The following ONECUT1 variants were observed in gnomAD, a reference collection of about 807,000 sequenced individuals.
The protein encoded by ONECUT1 is one cut homeobox 1.
Under a neutral mutation model 25.6 loss-of-function variants are expected in ONECUT1, and 12 were observed. That is an observed-to-expected ratio of 0.47 (90% confidence interval 0.30 to 0.76). The LOEUF (loss-of-function observed/expected upper bound fraction) is 0.76. Among genes scored for constraint, ONECUT1 ranks in the 30% least tolerant of loss-of-function variants. ONECUT1 has a pLI of 0.07. For synonymous variants in ONECUT1, 285 were observed against 270.2 expected (o/e 1.05, Z -0.54); for missense variants, 620 against 651.2 (o/e 0.95, Z 0.52).
chr15:52,755,614 G>A lies in ONECUT1; in HGVS notation c.*1941C>T, dbSNP rs1049792640. Among the ~76,000 whole-genome samples the A allele has an allele frequency of 3.3e-5, 5 of 152,228 alleles. No individual in the cohort carries two copies. Among genetic ancestry groups the A allele is most frequent in the African/African-American group, 1.2e-4 (5 of 41,454 alleles). On this transcript the variant is annotated 3_prime_UTR_variant, in exon 2 of 2. Coordinates refer to ENST00000305901, the MANE Select transcript of ONECUT1 (RefSeq NM_004498.4). The stretch of plus-strand genomic sequence containing the variant: ...CTGTTACAGACCTAGACAAGGTGCT[G>A]AGATTTGATGCTAAGGAGTTATGTT...
Position 52,782,717 on chromosome 15 carries a change from A to G in ONECUT1, c.1105+6063T>C, listed in dbSNP as rs563790327. 3.9e-5 allele frequency among the ~76,000 whole-genome samples: 6 copies of G among 152,348 alleles called. No homozygotes were observed. The South Asian group carries it at 1.2e-3, about 32-fold the overall frequency. The stretch of plus-strand genomic sequence containing the variant: ...CCTAGGTTGGGGGCCATTCAATTTT[A>G]CCAAGAGTGTGGAAATTCTGCTGTT... On this transcript the variant is annotated intron_variant, in intron 1 of 1. Transcript: ENST00000305901.
At chr15:52,761,437 G>A (rs66987904) in intron 1 of ONECUT1, among the ~76,000 whole-genome samples, 20,955 of 152,184 alleles carry the variant, frequency 0.14, 1,965 homozygotes, top group East Asian at 0.36. Context: ...TTGGGAGGGC[G>A]AAGCAGGCAG....
chr15:52,756,059 T>C lies in ONECUT1; in HGVS notation c.*1496A>G, dbSNP rs1250158517. Among the ~76,000 whole-genome samples the C allele has an allele frequency of 2.0e-5, 3 of 152,210 alleles. No individual in the cohort carries two copies. The highest frequency in any genetic ancestry group is 7.2e-5 in the African/African-American group (3 of 41,474). On this transcript the variant is annotated 3_prime_UTR_variant, in exon 2 of 2. Transcript: ENST00000305901. ...TAGCAAGAAAGAAGGCAGAATGCTT[T>C]GGAGGCTATTCTTAGTTCCATAAAT...
intron 1 of ONECUT1, among the ~76,000 whole-genome samples, chr15:52,782,074 T>C (rs1004740320): frequency 2.6e-5 from 4 of 152,206 alleles, no homozygotes; most frequent in African/African-American, 9.6e-5. Flanking sequence ...CCAGGGTACA[T>C]GTGCAGGATG....
intron 1 of ONECUT1, among the ~76,000 whole-genome samples, chr15:52,780,014 T>C (rs888478140): frequency 2.0e-5 from 3 of 152,226 alleles, no homozygotes; most frequent in African/African-American, 4.8e-5. Flanking sequence ...AAGCCTGTAG[T>C]GGAAATTTTC....
At chr15:52,775,000 GC>G (rs1036386895) in intron 1 of ONECUT1, among the ~76,000 whole-genome samples, 1 of 152,108 alleles carries the variant, frequency 6.6e-6, no homozygotes, top group African/African-American at 2.4e-5. Context: ...GACCAGCCTG[GC>G]TAACATGGCG....
intron 1 of ONECUT1, among the ~76,000 whole-genome samples, chr15:52,760,767 G>A (rs1358469935): frequency 6.6e-6 from 1 of 152,096 alleles, no homozygotes; most frequent in East Asian, 1.9e-4. Flanking sequence ...TCATAGGTAA[G>A]GAGGAGGTAG....
intron 1 of ONECUT1, among the ~76,000 whole-genome samples, chr15:52,762,605 C>T (rs186658823): frequency 3.5e-4 from 54 of 152,254 alleles, no homozygotes; most frequent in Admixed American, 7.8e-4. Context: ...ATCTCCAGGA[C>T]GCCCTGGCCT....
chr15:52,781,147 G>A (rs1428055359), intron 1 of ONECUT1: 3 of 154,864 alleles, frequency 1.9e-5, no homozygotes, highest in Non-Finnish European at 2.8e-5. Context: ...GGTATGGGAA[G>A]ATCTGAGCCC....
intron 1 of ONECUT1, among the ~76,000 whole-genome samples, chr15:52,776,276 C>CT (rs1230802596): frequency 6.6e-6 from 1 of 152,202 alleles, no homozygotes; most frequent in Non-Finnish European, 1.5e-5. Context: ...AACATTCCAT[C>CT]TTTATATTGA....
intron 1 of ONECUT1, among the ~76,000 whole-genome samples, chr15:52,774,822 T>C (rs1312748854): frequency 6.6e-6 from 1 of 152,196 alleles, no homozygotes; most frequent in African/African-American, 2.4e-5. Flanking sequence ...AAAATGATAT[T>C]GTAGTTGTGT....
Position 52,790,093 on chromosome 15 carries a change from T to C in ONECUT1, c.-209A>G. On this transcript the variant is annotated 5_prime_UTR_variant, in exon 1 of 2. Transcript: ENST00000305901. ...TGTGTGTGTGTGTGTGTGTCTCGCC[T>C]TCCCTCTTACCCCCCACCTTCCCCT... 1.6e-6 allele frequency: 1 copy of C among 636,912 alleles called. No homozygotes were observed. The highest frequency in any genetic ancestry group is 2.3e-6 in the Non-Finnish European group (1 of 443,996). 39.5% of individuals were successfully genotyped at this position (636,912 alleles called of 1,614,324 possible). A position where few individuals can be genotyped will look rare whatever the true frequency, so the allele number is the denominator to read the frequency against.
chr15:52,780,066 C>T (rs1041524083), intron 1 of ONECUT1, among the ~76,000 whole-genome samples: 1 of 152,296 alleles, frequency 6.6e-6, no homozygotes, highest in Non-Finnish European at 1.5e-5. Flanking sequence ...TCCTCCCTAT[C>T]CCTTCCCATC....
intron 1 of ONECUT1, among the ~76,000 whole-genome samples, chr15:52,783,098 G>C (rs1228566161): frequency 6.6e-6 from 1 of 152,182 alleles, no homozygotes; most frequent in Non-Finnish European, 1.5e-5. Context: ...AAAACAGCTC[G>C]TGTAACAACC....
chr15:52,769,968 T>G (rs1596049499), intron 1 of ONECUT1, among the ~76,000 whole-genome samples: 1 of 152,182 alleles, frequency 6.6e-6, no homozygotes, highest in African/African-American at 2.4e-5. Flanking sequence ...CTTGAAGAAA[T>G]TCAAATTCAA....
intron 1 of ONECUT1, among the ~76,000 whole-genome samples, chr15:52,762,612 G>A (rs1180012326): frequency 6.6e-6 from 1 of 152,166 alleles, no homozygotes; most frequent in Non-Finnish European, 1.5e-5. Flanking sequence ...GGACGCCCTG[G>A]CCTAGGGCCT....
rs2083902286 is a variant in ONECUT1 at position 52,789,439 on chromosome 15, A to G, written c.446T>C (p.Phe149Ser). The change falls in exon 1 of 2, where the codon TTC becomes TCC. Residue 149 changes from phenylalanine (F) to serine (S), a missense_variant. Phe to Ser is a radical substitution (Grantham distance 155). Transcript: ENST00000305901. This position sits in a 1 kb window ranked among gnomAD's most constrained non-coding sequence, Gnocchi z 4.1. ...CCCGCGCTCATCCCGCATGAGCGTG[A>G]AGCTACCGCTCACGTTGCCCGCCAG... ...QRLAGNVSGS[F>S]TLMRDERGLA... 3 of 1,613,732 alleles carry G rather than the reference A, an allele frequency of 1.9e-6. No homozygotes were observed. The East Asian group carries it at 6.7e-5, about 36-fold the overall frequency.
intron 1 of ONECUT1, among the ~76,000 whole-genome samples, chr15:52,764,662 G>GAGC (rs1466758298): frequency 1.3e-5 from 2 of 152,158 alleles, no homozygotes; most frequent in African/African-American, 4.8e-5. Context: ...GTGGACTAGA[G>GAGC]AGCAGTAAAG....
rs1461913701 is a variant in ONECUT1, at chr15:52,784,532, A to G, written c.1105+4248T>C. Among the ~76,000 whole-genome samples, 1 of 152,086 alleles carries G rather than the reference A, an allele frequency of 6.6e-6. No homozygotes were observed. The highest frequency in any genetic ancestry group is 2.4e-5 in the African/African-American group (1 of 41,422). On this transcript the variant is annotated intron_variant, in intron 1 of 1. Transcript: ENST00000305901. The surrounding 1 kb of genome is among the most constrained non-coding windows in gnomAD (Gnocchi z 5.0). ...GAAGTAGGTTTCCCCTGCCCCAGCC[A>G]TAGCGGTTCCAGTCGTCGCCACGAG...
Sources: gnomAD v4.1 joint callset for allele counts (sites outside exome capture counted in the v4.1 genomes callset) on GRCh38, gnomAD v4.1.1 for gene constraint, Gnocchi (gnomAD v3.1) non-coding constraint, MANE v1.5 for transcripts, NCBI Gene and HGNC (gene_info 2026-07-23, HGNC 2026-07-21) for gene names.